The following DNAH6 variants were observed in gnomAD, a reference collection of about 807,000 sequenced individuals.
The protein encoded by DNAH6 is dynein axonemal heavy chain 6, also known as axonemal beta dynein heavy chain 6.
DNAH6 carries 340 observed loss-of-function variants against 491.4 expected under a neutral mutation model. The ratio of observed to expected loss-of-function variants is 0.69; its 90% CI spans 0.63 to 0.76. The LOEUF is 0.76. Ranked by LOEUF, DNAH6 falls within the 30% of genes least tolerant of loss-of-function variation. The probability of loss-of-function intolerance (pLI) is 0.00; values close to 1 mark genes in which losing one functional copy is unlikely to be tolerated. For missense variants in DNAH6, 4,443 were observed against 4,972.2 expected, an observed-to-expected ratio of 0.89 and a Z score of 3.20; for synonymous variants, 1,603 against 1,686.1, an observed-to-expected ratio of 0.95 and a Z score of 1.21.
chr2:84,539,730 A>G (rs1289657616), intron 4 of DNAH6, among the ~76,000 whole-genome samples: 3 of 152,110 alleles, frequency 2.0e-5, no homozygotes, highest in Admixed American at 2.0e-4. Context: ...ACATTGAGAA[A>G]CATTGACCAT....
intron 2 of DNAH6, among the ~76,000 whole-genome samples, chr2:84,521,004 G>A (rs1676083440): frequency 6.6e-6 from 1 of 151,898 alleles, no homozygotes; most frequent in South Asian, 2.1e-4. Context: ...TTCCACAATG[G>A]TTGTTATTTT....
intron 71 of DNAH6, 80 bp downstream of exon 71, chr2:84,805,874 A>G: frequency 7.7e-7 from 1 of 1,292,392 alleles, no homozygotes; most frequent in Non-Finnish European, 1.0e-6. Flanking sequence ...AACAGGTGTC[A>G]AAACCTGCTT....
chr2:84,808,663 T>C (rs1559065930), intron 72 of DNAH6, 121 bp downstream of exon 72: 1 of 955,004 alleles, frequency 1.0e-6, no homozygotes, highest in East Asian at 2.7e-5. Flanking sequence ...TAACAACTCT[T>C]CAAGCCCAAT....
At chr2:84,811,985 C>T (rs1680029972) in intron 72 of DNAH6, among the ~76,000 whole-genome samples, 1 of 152,206 alleles carries the variant, frequency 6.6e-6, no homozygotes, top group Admixed American at 6.5e-5. Context: ...CCTCCTCACA[C>T]TCTGTGCTTC....
At chr2:84,570,944 A>C (rs1681774463) in intron 11 of DNAH6, among the ~76,000 whole-genome samples, 1 of 152,168 alleles carries the variant, frequency 6.6e-6, no homozygotes, top group Non-Finnish European at 1.5e-5. Context: ...GGAGGAACAA[A>C]CAACTCCGGA....
chr2:84,773,340 T>C (rs1230857787), intron 64 of DNAH6, among the ~76,000 whole-genome samples: 1 of 152,108 alleles, frequency 6.6e-6, no homozygotes, highest in Non-Finnish European at 1.5e-5. Flanking sequence ...TCTGTGTTAA[T>C]TTAGTTATAA....
intron 61 of DNAH6, 116 bp downstream of exon 61, chr2:84,728,018 A>G (rs560719618): frequency 1.5e-6 from 1 of 677,822 alleles, no homozygotes; most frequent in East Asian, 2.7e-5. Context: ...ACCTGGTGGG[A>G]GATTACTGAA....
intron 45 of DNAH6, among the ~76,000 whole-genome samples, chr2:84,691,777 T>C (rs1272676788): frequency 6.6e-6 from 1 of 152,242 alleles, no homozygotes; most frequent in African/African-American, 2.4e-5. Context: ...TATTACTCTT[T>C]AAAAATTTTT....
In DNAH6 at chr2:84,704,083, A is replaced by G; in HGVS notation, c.8246A>G (p.Gln2749Arg). 1 of 1,551,750 alleles carries G rather than the reference A, an allele frequency of 6.4e-7. No individual in the cohort carries two copies. Among genetic ancestry groups the G allele is most frequent in the Non-Finnish European group, 8.7e-7 (1 of 1,146,964 alleles). ...AATGGTTAGGTCCGTAACACTGTGC[A>G]GGAGGATGAAGCAACAGCAAAAGTC... ...ESADQVRNTV[Q>R]EDEATAKVKA... Residue 2749 changes from glutamine (Q) to arginine (R), a missense_variant, in exon 51 of 77, where the codon CAG becomes CGG. Transcript: ENST00000389394.
At chr2:84,520,953 G>A (rs946681410) in intron 2 of DNAH6, among the ~76,000 whole-genome samples, 6 of 151,936 alleles carry the variant, frequency 3.9e-5, no homozygotes, top group Non-Finnish European at 8.8e-5. Context: ...GGCTCGAATG[G>A]GAGTTCTGCT....
At chr2:84,618,217 A>T (rs943138196) in intron 23 of DNAH6, among the ~76,000 whole-genome samples, 3 of 152,100 alleles carry the variant, frequency 2.0e-5, no homozygotes, top group African/African-American at 7.2e-5. Flanking sequence ...CTTTGAGGAA[A>T]TCTGGAAATA....
rs371653866 is a variant in DNAH6, at chr2:84,718,326, C to T, written c.9734C>T (p.Thr3245Ile). 6.4e-6 allele frequency: 10 copies of T among 1,551,160 alleles called. No homozygotes were observed. Among genetic ancestry groups the T allele is most frequent in the Non-Finnish European group, 8.7e-6 (10 of 1,146,772 alleles). The change falls in exon 59 of 77, where the codon ACC (threonine) becomes ATC (isoleucine). Residue 3245 changes from threonine (T) to isoleucine (I), a missense_variant. Coordinates refer to ENST00000389394, the MANE Select transcript of DNAH6 (RefSeq NM_001370.2). ...GAGAAAATCCTGAGAATGCTCTTTA[C>T]CTCTGAAGGAAATATTCTGGACAAT... ...IEEKILRMLF[T>I]SEGNILDNEE...
At chr2:84,552,548 T>C (rs550459871) in intron 9 of DNAH6, among the ~76,000 whole-genome samples, 1 of 152,352 alleles carries the variant, frequency 6.6e-6, no homozygotes, top group East Asian at 1.9e-4. Context: ...TTGAATATAT[T>C]TCTATGTAAA....
At chr2:84,779,961 C>A (rs370106474) in intron 64 of DNAH6, among the ~76,000 whole-genome samples, 2 of 152,136 alleles carry the variant, frequency 1.3e-5, no homozygotes, top group African/African-American at 4.8e-5. Flanking sequence ...GAATATAGTT[C>A]TGTTATCTCT....
chr2:84,741,927 G>A (rs899510629), intron 62 of DNAH6, among the ~76,000 whole-genome samples: 7 of 152,208 alleles, frequency 4.6e-5, no homozygotes, highest in African/African-American at 1.4e-4. Flanking sequence ...TGGAGCTCCA[G>A]GGATTTCCCT....
At chr2:84,619,142 C>A (rs1256635307) in intron 23 of DNAH6, among the ~76,000 whole-genome samples, 1 of 152,098 alleles carries the variant, frequency 6.6e-6, no homozygotes, top group Non-Finnish European at 1.5e-5. Flanking sequence ...GGTGTGCTGG[C>A]AAAATTACAT....
At chr2:84,503,299 C>T in the DNAH6 span, among the ~76,000 whole-genome samples, 1 of 152,124 alleles carries the variant, frequency 6.6e-6, no homozygotes, top group Non-Finnish European at 1.5e-5. Flanking sequence ...ACTTCATCCC[C>T]CAAATTTTAA....
intron 11 of DNAH6, among the ~76,000 whole-genome samples, chr2:84,567,859 C>A (rs1681370129): frequency 6.6e-6 from 1 of 152,120 alleles, no homozygotes; most frequent in Non-Finnish European, 1.5e-5. Flanking sequence ...ACTGAATAGA[C>A]AACCTACAGA....
intron 4 of DNAH6, among the ~76,000 whole-genome samples, chr2:84,542,280 T>G (rs1678329424): frequency 6.6e-6 from 1 of 152,214 alleles, no homozygotes; most frequent in South Asian, 2.1e-4. Flanking sequence ...AAGTTTGTTA[T>G]AATTTCAGTG....
Sources: allele counts gnomAD v4.1 joint callset (sites outside exome capture counted in the v4.1 genomes callset), GRCh38; gene constraint gnomAD v4.1.1; transcripts MANE v1.5; gene names NCBI Gene and HGNC (gene_info 2026-07-23, HGNC 2026-07-21).